The following TMEM272 variants were observed in gnomAD, a reference collection of about 807,000 sequenced individuals.
The protein encoded by TMEM272 is transmembrane protein 272.
Under a neutral mutation model 3.7 loss-of-function variants are expected in TMEM272, and 8 were observed. The observed-to-expected ratio is 2.17, with a 90% CI of 1.27 to 3.91. The LOEUF (loss-of-function observed/expected upper bound fraction) is 3.91. Among genes scored for constraint, TMEM272 ranks in the 30% most tolerant of loss-of-function variants. The probability of loss-of-function intolerance (pLI) is 0.00; values close to 1 mark genes in which losing one functional copy is unlikely to be tolerated. For missense variants in TMEM272, 166 were observed against 91.5 expected (o/e 1.81, Z -3.32); for synonymous variants, 63 against 39.8 (o/e 1.58, Z -2.20).
chr13:51,822,232 T>C (rs1288730887), intron 3 of TMEM272, 95 bp from the exon 4 acceptor site: 6 of 620,386 alleles, frequency 9.7e-6, no homozygotes, highest in African/African-American at 3.7e-5. Context: ...AAAGCCAAAA[T>C]GTTAATCATG....
chr13:51,827,495 T>C (rs1386680359), intron 2 of TMEM272, among the ~76,000 whole-genome samples: 4 of 152,216 alleles, frequency 2.6e-5, no homozygotes, highest in Admixed American at 6.5e-5. Context: ...TCTGCAGATA[T>C]AGGTTTTGCT....
chr13:51,822,251 A>C (rs1488915183), intron 3 of TMEM272, 114 bp from the exon 4 acceptor site: 1 of 606,538 alleles, frequency 1.6e-6, no homozygotes, highest in Non-Finnish European at 2.9e-6. Context: ...TGCAAACCAT[A>C]TGCTTGTGGG....
chr13:51,867,763 G>C, the TMEM272 span, among the ~76,000 whole-genome samples: 2 of 152,144 alleles, frequency 1.3e-5, no homozygotes, highest in African/African-American at 4.8e-5. Context: ...ATGGGTCCCA[G>C]GGCAAGGACT....
chr13:51,921,912 GTGTGTGTGTGTA>G, the TMEM272 span, among the ~76,000 whole-genome samples: 3 of 150,562 alleles, frequency 2.0e-5, no homozygotes, highest in East Asian at 5.8e-4. Flanking sequence ...CACTGTGTGC[GTGTGTGTGTGTA>G]TGTGTGTGTG....
At chr13:51,923,176 G>A in the TMEM272 span, among the ~76,000 whole-genome samples, 1 of 152,314 alleles carries the variant, frequency 6.6e-6, no homozygotes, top group East Asian at 1.9e-4. Flanking sequence ...ATCCTGATGA[G>A]CCCTAGGCAC....
At chr13:51,910,204 C>A in the TMEM272 span, 4 of 1,186,080 alleles carry the variant, frequency 3.4e-6, no homozygotes, top group Non-Finnish European at 5.0e-6. Context: ...TGCTCCAGTT[C>A]AGAATTGGAC....
chr13:51,864,536 T>C, the TMEM272 span, among the ~76,000 whole-genome samples: 120 of 152,388 alleles, frequency 7.9e-4, no homozygotes, highest in Non-Finnish European at 2.5e-4. Context: ...GATTTACCCA[T>C]GCTGTTGTAG....
intron 3 of TMEM272, among the ~76,000 whole-genome samples, chr13:51,826,362 C>T (rs56401568): frequency 0.31 from 46,568 of 152,022 alleles, 9,022 homozygotes; most frequent in African/African-American, 0.53. Context: ...ATATACTGCA[C>T]TGATATCTCC....
At chr13:51,925,269 G>A in the TMEM272 span, among the ~76,000 whole-genome samples, 1 of 152,110 alleles carries the variant, frequency 6.6e-6, no homozygotes, top group Non-Finnish European at 1.5e-5. Context: ...ACATTTCATC[G>A]ACTGACTTCT....
At chr13:51,834,063 G>A (rs950240432) in intron 2 of TMEM272, among the ~76,000 whole-genome samples, 6 of 152,126 alleles carry the variant, frequency 3.9e-5, no homozygotes, top group Non-Finnish European at 5.9e-5. Flanking sequence ...TAAAGACCCC[G>A]ACATCTCAAG....
chr13:51,865,850 G>A, the TMEM272 span: 13 of 1,613,872 alleles, frequency 8.1e-6, no homozygotes, highest in Non-Finnish European at 1.1e-5. Context: ...GGCCCTGTGG[G>A]AGGAAGAAAA....
intron 3 of TMEM272, among the ~76,000 whole-genome samples, 198 bp from the exon 4 acceptor site, chr13:51,822,335 G>A (rs1225875840): frequency 6.6e-6 from 1 of 152,166 alleles, no homozygotes; most frequent in Non-Finnish European, 1.5e-5. Flanking sequence ...GGCTCTCACA[G>A]CGGAGTGGCG....
intron 4 of TMEM272, among the ~76,000 whole-genome samples, chr13:51,821,242 G>A (rs545513627): frequency 5.9e-5 from 9 of 152,318 alleles, no homozygotes; most frequent in Non-Finnish European, 1.2e-4. Flanking sequence ...ATGGATGCTT[G>A]TGTTTTCTGG....
the TMEM272 span, chr13:51,909,658 A>G: frequency 6.5e-7 from 1 of 1,527,492 alleles, no homozygotes; most frequent in South Asian, 1.1e-5. Flanking sequence ...GAAGCATTTA[A>G]CTTAGCAGCA....
chr13:51,913,611 A>G, the TMEM272 span, among the ~76,000 whole-genome samples: 6 of 152,182 alleles, frequency 3.9e-5, no homozygotes, highest in African/African-American at 1.4e-4. Flanking sequence ...TCTAGGCTAC[A>G]GGGCTTGGGG....
At chr13:51,883,792 T>A in the TMEM272 span, among the ~76,000 whole-genome samples, 1 of 152,184 alleles carries the variant, frequency 6.6e-6, no homozygotes, top group Non-Finnish European at 1.5e-5. Context: ...ACACAACTAA[T>A]GATGACACTT....
the TMEM272 span, among the ~76,000 whole-genome samples, chr13:51,926,803 C>T: frequency 6.6e-6 from 1 of 152,146 alleles, no homozygotes; most frequent in Non-Finnish European, 1.5e-5. Context: ...AACATTAAAA[C>T]ATTACTAGAT....
Position 51,816,538 on chromosome 13 carries a change from C to G in TMEM272, c.*213G>C. The G allele has an allele frequency of 4.0e-6, 2 of 496,730 alleles. No homozygotes were observed. The highest frequency in any genetic ancestry group is 5.2e-4 in the Middle Eastern group (1 of 1,916). 30.8% of individuals were successfully genotyped at this position (496,730 alleles called of 1,614,324 possible). ...ACTCTGAAAAGAGCAGAAGTGATTTCCCCATGTCTAGGAAGGCAAGAGTTT... is the reference window on the plus strand; with the variant it reads ...ACTCTGAAAAGAGCAGAAGTGATTTGCCCATGTCTAGGAAGGCAAGAGTTT... On this transcript the variant is annotated 3_prime_UTR_variant, in exon 5 of 5. Coordinates refer to ENST00000629372, the MANE Select transcript of TMEM272 (RefSeq NM_001351003.2).
chr13:51,916,136 C>T, the TMEM272 span, among the ~76,000 whole-genome samples: 576 of 152,222 alleles, frequency 3.8e-3, 5 homozygotes, highest in African/African-American at 0.012. Context: ...GAGGGGACAC[C>T]GGCATGAAGA....
Sources: gnomAD v4.1 joint callset for allele counts (sites outside exome capture counted in the v4.1 genomes callset) on GRCh38, gnomAD v4.1.1 for gene constraint, MANE v1.5 for transcripts, NCBI Gene and HGNC (gene_info 2026-07-23, HGNC 2026-07-21) for gene names.